CYP7B1: variants seen among roughly 807,000 people sequenced by gnomAD.
CYP7B1 encodes the protein cytochrome P450 family 7 subfamily B member 1.
A neutral mutation model predicts 42.7 loss-of-function variants in CYP7B1; 29 were observed. The observed-to-expected ratio is 0.68, with a 90% CI of 0.51 to 0.93. CYP7B1 has a LOEUF of 0.93. CYP7B1 is among the 40% of genes least tolerant of loss of function. The pLI is 0.00. For missense variants in CYP7B1, 655 were observed against 600.5 expected (o/e 1.09, Z -0.95); for synonymous variants, 235 against 218.2 (o/e 1.08, Z -0.68).
rs566232884 is a variant in CYP7B1 at position 64,663,106 on chromosome 8, T to C, written c.123-38567A>G. 3.3e-5 allele frequency among the ~76,000 whole-genome samples: 5 copies of C among 152,352 alleles called. No homozygotes were observed. The South Asian group carries it at 1.0e-3, about 32-fold the overall frequency. On this transcript the variant is annotated intron_variant, in intron 1 of 5. Coordinates refer to ENST00000310193, the MANE Select transcript of CYP7B1 (RefSeq NM_004820.5). ...ATTTCAGGTTTAGTTCTAACAAGCC[T>C]TTTCTTATGAACCTTTGTTTGATCT...
At chr8:64,705,229 T>TA (rs1554533818) in intron 1 of CYP7B1, among the ~76,000 whole-genome samples, 43 of 149,876 alleles carry the variant, frequency 2.9e-4, no homozygotes, top group Admixed American at 1.8e-3. Flanking sequence ...TTCAAAAAGG[T>TA]GGGGGGGGGA....
At chr8:64,695,223 G>A (rs973771493) in intron 1 of CYP7B1, among the ~76,000 whole-genome samples, 1 of 152,020 alleles carries the variant, frequency 6.6e-6, no homozygotes, top group Non-Finnish European at 1.5e-5. Context: ...AAATACACAC[G>A]CAAAGCCACT....
intron 1 of CYP7B1, among the ~76,000 whole-genome samples, chr8:64,740,754 G>A (rs1563411233): frequency 1.3e-5 from 2 of 151,992 alleles, no homozygotes; most frequent in African/African-American, 2.4e-5. Context: ...CAACTTAGTT[G>A]AAACGGGCCA....
intron 1 of CYP7B1, among the ~76,000 whole-genome samples, chr8:64,798,039 CAG>C (rs1428148881): frequency 3.9e-5 from 6 of 152,080 alleles, no homozygotes; most frequent in Non-Finnish European, 8.8e-5. Context: ...GAGAGGCACT[CAG>C]AGTTATTGTT....
intron 1 of CYP7B1, among the ~76,000 whole-genome samples, chr8:64,684,439 T>C (rs1293497814): frequency 6.6e-6 from 1 of 152,256 alleles, no homozygotes; most frequent in Non-Finnish European, 1.5e-5. Context: ...AAACAATACC[T>C]AGAATGCCTA....
intron 1 of CYP7B1, among the ~76,000 whole-genome samples, chr8:64,693,170 A>ACT (rs1806773232): frequency 6.6e-6 from 1 of 152,378 alleles, no homozygotes; most frequent in South Asian, 2.1e-4. Flanking sequence ...ATGACAGAGT[A>ACT]CTGTCATGCA....
At chr8:64,746,611 A>T (rs1270407165) in intron 1 of CYP7B1, among the ~76,000 whole-genome samples, 1 of 152,230 alleles carries the variant, frequency 6.6e-6, no homozygotes, top group Non-Finnish European at 1.5e-5. Context: ...ACTGACAGCA[A>T]GACAATTGTT....
intron 2 of CYP7B1, among the ~76,000 whole-genome samples, chr8:64,618,590 T>TCTCTCTCTCTCTCTCTCTCTC (rs1805482620): frequency 5.1e-5 from 2 of 38,892 alleles, no homozygotes; most frequent in African/African-American, 2.0e-4. Context: ...CTCTCTCTCT[T>TCTCTCTCTCTCTCTCTCTCTC]TCTCTCTCTC....
chr8:64,782,434 T>C (rs56136042), intron 1 of CYP7B1, among the ~76,000 whole-genome samples: 18,463 of 152,108 alleles, frequency 0.12, 2,092 homozygotes, highest in African/African-American at 0.3. Context: ...CTATGAGGAA[T>C]GGGCCTTCAT....
At chr8:64,725,269 C>CT (rs375555270) in intron 1 of CYP7B1, among the ~76,000 whole-genome samples, 19 of 152,334 alleles carry the variant, frequency 1.2e-4, no homozygotes, top group African/African-American at 3.8e-4. Flanking sequence ...ATGCTTTTCT[C>CT]TTGTTAAGCT....
chr8:64,610,887 A>G (rs975908515), intron 4 of CYP7B1, among the ~76,000 whole-genome samples: 4 of 152,178 alleles, frequency 2.6e-5, no homozygotes, highest in Non-Finnish European at 5.9e-5. Flanking sequence ...TATGACTTGC[A>G]TTAGTTTAGC....
intron 1 of CYP7B1, among the ~76,000 whole-genome samples, chr8:64,782,968 C>T (rs1804454752): frequency 6.6e-6 from 1 of 152,130 alleles, no homozygotes; most frequent in African/African-American, 2.4e-5. Context: ...AACAATCTAA[C>T]CTCTGGGCTT....
chr8:64,714,523 C>G (rs1807125530), intron 1 of CYP7B1, among the ~76,000 whole-genome samples: 1 of 152,198 alleles, frequency 6.6e-6, no homozygotes, highest in African/African-American at 2.4e-5. Flanking sequence ...TTGTCAGCAA[C>G]TTGACTCCTT....
chr8:64,798,605 G>T lies in CYP7B1; in HGVS notation c.-18C>A. ...CCTGCCATCCGGCGCGCGCTAGGCC[G>T]CGGTGGGCAGCCCGGGGTCTGCCTG... On this transcript the variant is annotated 5_prime_UTR_variant, in exon 1 of 6. Coordinates refer to ENST00000310193, the MANE Select transcript of CYP7B1 (RefSeq NM_004820.5). 1 of 1,453,834 alleles carries T rather than the reference G, an allele frequency of 6.9e-7. No homozygotes were observed. The highest frequency in any genetic ancestry group is 9.0e-7 in the Non-Finnish European group (1 of 1,112,990). 90.1% of individuals were successfully genotyped at this position (1,453,834 alleles called of 1,614,324 possible). A position where few individuals can be genotyped will look rare whatever the true frequency, so the allele number is the denominator to read the frequency against.
rs139678342 is a variant in CYP7B1 at position 64,636,319 on chromosome 8, C to T, written c.123-11780G>A. ...ACTTTGGTCCATTTAATTATATTTG[C>T]CTCCGGTTCCTCATTTGTAAAATGA... On this transcript the variant is annotated intron_variant, in intron 1 of 5. Coordinates refer to ENST00000310193, the MANE Select transcript of CYP7B1 (RefSeq NM_004820.5). Among the ~76,000 whole-genome samples, 1,483 of 152,204 alleles carry T rather than the reference C, an allele frequency of 9.7e-3. 14 individuals carry two copies. Among genetic ancestry groups the T allele is most frequent in the Middle Eastern group, 0.037 (11 of 294 alleles).
At chr8:64,724,128 A>G (rs182720310) in intron 1 of CYP7B1, among the ~76,000 whole-genome samples, 2 of 152,054 alleles carry the variant, frequency 1.3e-5, no homozygotes, top group African/African-American at 4.8e-5. Flanking sequence ...TTGGCTAGTA[A>G]CCAAAAGAAT....
chr8:64,768,968 T>C (rs978233221), intron 1 of CYP7B1, among the ~76,000 whole-genome samples: 1 of 152,222 alleles, frequency 6.6e-6, no homozygotes, highest in African/African-American at 2.4e-5. Context: ...ATCAGTTTTT[T>C]TATGGATCAC....
At chr8:64,726,824 C>A (rs1039917552) in intron 1 of CYP7B1, among the ~76,000 whole-genome samples, 1 of 152,012 alleles carries the variant, frequency 6.6e-6, no homozygotes, top group Non-Finnish European at 1.5e-5. Flanking sequence ...TTGCATGCAC[C>A]CCACCCCGAT....
At chr8:64,644,352 C>A (rs1285093929) in intron 1 of CYP7B1, among the ~76,000 whole-genome samples, 1 of 151,974 alleles carries the variant, frequency 6.6e-6, no homozygotes, top group Admixed American at 6.5e-5. Flanking sequence ...CTATGAATCA[C>A]AAATGCTCTT....
Sources: allele counts gnomAD v4.1 joint callset (sites outside exome capture counted in the v4.1 genomes callset), GRCh38; gene constraint gnomAD v4.1.1; transcripts MANE v1.5; gene names NCBI Gene and HGNC (gene_info 2026-07-23, HGNC 2026-07-21).